The following GON4L variants were observed in gnomAD, a reference collection of about 807,000 sequenced individuals.
GON4L encodes the protein GON-4-like protein.
A neutral mutation model predicts 211.8 loss-of-function variants in GON4L; 87 were observed. The observed-to-expected ratio is 0.41, with a 90% confidence interval of 0.35 to 0.49. The LOEUF (loss-of-function observed/expected upper bound fraction) is 0.49, where lower values mean the gene tolerates loss of function less well. GON4L is among the 20% of genes least tolerant of loss of function. The probability of loss-of-function intolerance (pLI) is 0.15; values close to 1 mark genes in which losing one functional copy is unlikely to be tolerated. For missense variants in GON4L, 2,155 were observed against 2,659.5 expected (o/e 0.81, Z 4.17); for synonymous variants, 875 against 962.6 (o/e 0.91, Z 1.68).
chr1:155,845,968 G>C lies in GON4L; in HGVS notation c.505+7308C>G, dbSNP rs892348483. 4.2e-5 allele frequency: 9 copies of C among 213,798 alleles called. No individual in the cohort carries two copies. In the East Asian group the frequency reaches 9.9e-4, roughly 23 times the overall value. 13.2% of individuals were successfully genotyped at this position (213,798 alleles called of 1,614,324 possible). On this transcript the variant is annotated intron_variant, in intron 2 of 31. Coordinates refer to ENST00000368331, the MANE Select transcript of GON4L (RefSeq NM_001282860.2). ...ACCAGGTCCTGGATTTGAAGGGACT[G>C]AACTCCAAGCTTCTGGGTACCAGAA...
intron 11 of GON4L, 114 bp from the exon 12 acceptor site, chr1:155,795,265 C>T (rs977804574): frequency 2.8e-5 from 20 of 711,216 alleles, no homozygotes; most frequent in African/African-American, 1.4e-4. Flanking sequence ...CTCACTCTGT[C>T]GCCCAGGCTG....
intron 2 of GON4L, among the ~76,000 whole-genome samples, chr1:155,844,830 C>G (rs867257936): frequency 1.3e-5 from 2 of 152,172 alleles, no homozygotes; most frequent in Non-Finnish European, 2.9e-5. Context: ...TTTTTAGGAC[C>G]TCTAGCAGCT....
chr1:155,754,013 C>T, intron 28 of GON4L: 1 of 359,018 alleles, frequency 2.8e-6, no homozygotes, highest in East Asian at 7.2e-5. Flanking sequence ...TTCCACAACT[C>T]CTTCTCTCAC....
intron 3 of GON4L, among the ~76,000 whole-genome samples, chr1:155,826,267 A>G (rs1669207809): frequency 6.6e-6 from 1 of 152,018 alleles, no homozygotes; most frequent in Non-Finnish European, 1.5e-5. Context: ...ATAAAAGACA[A>G]AAAGACAGAA....
intron 2 of GON4L, among the ~76,000 whole-genome samples, chr1:155,850,421 G>A (rs1671666260): frequency 6.6e-6 from 1 of 152,210 alleles, no homozygotes; most frequent in African/African-American, 2.4e-5. Flanking sequence ...TACTGTGAAT[G>A]AGGCTGAAAA....
intron 11 of GON4L, among the ~76,000 whole-genome samples, chr1:155,797,672 C>T (rs536716518): frequency 1.3e-5 from 2 of 149,418 alleles, no homozygotes; most frequent in Admixed American, 6.7e-5. Context: ...GGTGAGACCC[C>T]CCCCCTCCCG....
chr1:155,772,469 T>C (rs1663293481), intron 18 of GON4L, among the ~76,000 whole-genome samples: 1 of 151,652 alleles, frequency 6.6e-6, no homozygotes, highest in South Asian at 2.1e-4. Context: ...ATGTTCATAA[T>C]CTGGTGGGTG....
Position 155,766,152 on chromosome 1 carries a change from A to T in GON4L, c.3321T>A (p.Pro1107=). Residue 1107 remains proline, a synonymous_variant, in exon 21 of 32, where the codon CCT becomes CCA. Coordinates refer to ENST00000368331, the MANE Select transcript of GON4L (RefSeq NM_001282860.2). ...TCACATATGGCTTTCGAAACTTAGA[A>T]GGGGCAAGGGAGGGCAGCATTACCT... is the stretch of plus-strand genomic sequence containing the variant. The part of the protein sequence containing the change: ...VPKVMLPSLA[P]SKFRKPYVRR... 1 of 1,614,102 alleles carries T rather than the reference A, an allele frequency of 6.2e-7. No homozygotes were observed. Among genetic ancestry groups the T allele is most frequent in the Non-Finnish European group, 8.5e-7 (1 of 1,180,014 alleles).
chr1:155,815,702 A>C, intron 8 of GON4L, 103 bp downstream of exon 8: 2 of 751,436 alleles, frequency 2.7e-6, no homozygotes, highest in East Asian at 5.2e-5. Context: ...AAATGAGCTG[A>C]AAAAAGAACC....
rs1180335105 is a variant in GON4L, at chr1:155,765,155, G to A, written c.4318C>T (p.Gln1440Ter). The A allele has an allele frequency of 6.2e-7, 1 of 1,613,998 alleles. No individual in the cohort carries two copies. Among genetic ancestry groups the A allele is most frequent in the Admixed American group, 1.7e-5 (1 of 59,988 alleles). ...KPEDSSSVDG[Q>*]SVGTPVGPET... Reference sequence around the variant, plus strand: ...GGCCCAACTGGAGTCCCCACTGACTGACCATCAACACTGGATGAATCTTCT... The same window carrying A: ...GGCCCAACTGGAGTCCCCACTGACTAACCATCAACACTGGATGAATCTTCT... Residue 1440 changes from glutamine to a stop codon, truncating the protein, a stop_gained, in exon 21 of 32, where the codon CAG becomes TAG. Coordinates refer to ENST00000368331, the MANE Select transcript of GON4L (RefSeq NM_001282860.2). LOFTEE classifies it high-confidence loss of function.
At chr1:155,745,990 T>C, downstream of GON4L, 2 of 798,532 alleles carry the variant, frequency 2.5e-6, no homozygotes, top group Middle Eastern at 7.2e-4. Flanking sequence ...TGCCTCGTCC[T>C]CTCTGCTTCC....
At chr1:155,790,689 T>C (rs2101956266) in intron 12 of GON4L, among the ~76,000 whole-genome samples, 1 of 151,832 alleles carries the variant, frequency 6.6e-6, no homozygotes, top group East Asian at 2.0e-4. Flanking sequence ...CTCACGCCTG[T>C]AATCCCAGCA....
intron 11 of GON4L, among the ~76,000 whole-genome samples, chr1:155,798,058 G>A (rs1172341796): frequency 6.6e-6 from 1 of 150,776 alleles, no homozygotes; most frequent in African/African-American, 2.4e-5. Flanking sequence ...TCCAGCGAGG[G>A]TGACAGAGTG....
In GON4L at chr1:155,750,526, C is replaced by A. The variant is rs576526503; in HGVS notation, c.*58G>T. The A allele has an allele frequency of 2.0e-6, 3 of 1,520,216 alleles. No homozygotes were observed. Among genetic ancestry groups the A allele is most frequent in the African/African-American group, 2.7e-5 (2 of 73,062 alleles). 94.2% of individuals were successfully genotyped at this position (1,520,216 alleles called of 1,614,324 possible). A position where few individuals can be genotyped will look rare whatever the true frequency, so the allele number is the denominator to read the frequency against. The stretch of plus-strand genomic sequence containing the variant: ...CTGTACAAGCAGAGTACAACTACCC[C>A]CTCCCCGGTGCCAGGGCGCCTGTTG... On this transcript the variant is annotated 3_prime_UTR_variant, in exon 32 of 32. Transcript: ENST00000368331.
upstream of GON4L, among the ~76,000 whole-genome samples, chr1:155,858,076 G>A (rs897026964): frequency 1.6e-4 from 24 of 152,170 alleles, no homozygotes; most frequent in Admixed American, 1.2e-3. Flanking sequence ...AGGAGAATCA[G>A]GTATTAAGTC....
chr1:155,762,192 T>C lies in GON4L; in HGVS notation c.4909A>G (p.Arg1637Gly), dbSNP rs1161379616. 6.2e-7 allele frequency: 1 copy of C among 1,604,312 alleles called. No individual in the cohort carries two copies. ...AACAGGAAGCAGCATTTGCCTACCC[T>C]GGTCAGATAAGCTTGGGCAAAGGCC... ...DLAFAQAYLT[R>G]VREALQHIPG... The change falls in exon 23 of 32, where the codon AGG becomes GGG. Residue 1637 changes from arginine (R) to glycine (G), a missense_variant and splice_region_variant. Physicochemically the swap from Arg to Gly is moderately radical, Grantham distance 125. Coordinates refer to ENST00000368331, the MANE Select transcript of GON4L (RefSeq NM_001282860.2).
At chr1:155,800,406 A>T (rs1401207735) in intron 11 of GON4L, among the ~76,000 whole-genome samples, 1 of 150,212 alleles carries the variant, frequency 6.7e-6, no homozygotes, top group Non-Finnish European at 1.5e-5. Flanking sequence ...AAAAATACAA[A>T]ATTAGCCAGG....
intron 15 of GON4L, among the ~76,000 whole-genome samples, chr1:155,777,158 C>T (rs1422346098): frequency 2.0e-5 from 3 of 152,212 alleles, no homozygotes; most frequent in Admixed American, 2.0e-4. Flanking sequence ...AGCCATAAGG[C>T]ATGAACATGA....
At chr1:155,752,734 C>G in intron 29 of GON4L, 144 bp from the exon 30 acceptor site, 1 of 1,253,692 alleles carries the variant, frequency 8.0e-7, no homozygotes, top group Non-Finnish European at 1.1e-6. Context: ...AATGTCCGCA[C>G]TTTGGGAAGC....
Sources: gnomAD v4.1 joint callset for allele counts (sites outside exome capture counted in the v4.1 genomes callset) on GRCh38, gnomAD v4.1.1 for gene constraint, MANE v1.5 for transcripts, NCBI Gene and HGNC (gene_info 2026-07-23, HGNC 2026-07-21) for gene names.